DLGAP1: variants seen among roughly 807,000 people sequenced by gnomAD.
DLGAP1 encodes the protein DLG associated protein 1.
DLGAP1 carries 11 observed loss-of-function variants against 90.8 expected under a neutral mutation model. The ratio of observed to expected loss-of-function variants is 0.12; its 90% CI spans 0.08 to 0.20. DLGAP1 has a LOEUF of 0.20. DLGAP1 is among the 10% of genes least tolerant of loss of function. DLGAP1 has a pLI of 1.00. For missense variants in DLGAP1, 1,050 were observed against 1,333.8 expected (o/e 0.79, Z 3.31); for synonymous variants, 558 against 540.7 (o/e 1.03, Z -0.44).
At chr18:3,984,449 G>T (rs766903364) in intron 3 of DLGAP1, among the ~76,000 whole-genome samples, 8 of 152,098 alleles carry the variant, frequency 5.3e-5, no homozygotes, top group Non-Finnish European at 7.4e-5. Flanking sequence ...ATTTTTGGCT[G>T]CCTTGAGACT....
intron 5 of DLGAP1, chr18:3,769,943 C>T (rs1167546038): frequency 6.6e-6 from 1 of 151,970 alleles, no homozygotes; most frequent in Non-Finnish European, 1.5e-5. Context: ...TAATTTTAAT[C>T]TCAAAATAAA....
At chr18:4,168,318 CA>C (rs2076965793) in intron 1 of DLGAP1, among the ~76,000 whole-genome samples, 1 of 152,174 alleles carries the variant, frequency 6.6e-6, no homozygotes, top group African/African-American at 2.4e-5. Context: ...GACAATGGCA[CA>C]AAAGCAATTC....
chr18:3,863,975 T>A (rs2070239049), intron 4 of DLGAP1, among the ~76,000 whole-genome samples: 1 of 152,228 alleles, frequency 6.6e-6, no homozygotes, highest in South Asian at 2.1e-4. Context: ...TCTTGTCAAC[T>A]AGGAATAAAT....
rs553624177 is a variant in DLGAP1 at position 3,972,342 on chromosome 18, T to C, written c.-73+32774A>G. Among the ~76,000 whole-genome samples, 39 of 152,152 alleles carry C rather than the reference T, an allele frequency of 2.6e-4. 2 individuals carry two copies. The highest frequency in any genetic ancestry group is 9.2e-4 in the African/African-American group (38 of 41,474). ...GCCTGGGCAACATGGCAAAATTCCG[T>C]CTCTATTTAAAAATAATTTTAAAAA... On this transcript the variant is annotated intron_variant, in intron 3 of 12. Transcript: ENST00000315677.
chr18:4,424,297 C>G (rs1242303910), intron 1 of DLGAP1, among the ~76,000 whole-genome samples: 1 of 152,092 alleles, frequency 6.6e-6, no homozygotes, highest in African/African-American at 2.4e-5. Flanking sequence ...ACTAAGCAAA[C>G]TTTTCTCCTT....
chr18:3,626,859 A>G (rs1316682466), intron 7 of DLGAP1, among the ~76,000 whole-genome samples: 3 of 152,156 alleles, frequency 2.0e-5, no homozygotes, highest in Admixed American at 6.5e-5. Flanking sequence ...AGATCACGCC[A>G]CTGCACTCCA....
At chr18:4,160,802 C>A (rs180953868) in intron 1 of DLGAP1, among the ~76,000 whole-genome samples, 76 of 152,194 alleles carry the variant, frequency 5.0e-4, no homozygotes, top group South Asian at 4.8e-3. Flanking sequence ...ATAAGCCTGT[C>A]TGTAAGGCTT....
intron 7 of DLGAP1, among the ~76,000 whole-genome samples, chr18:3,656,854 C>T (rs912196827): frequency 7.2e-5 from 11 of 152,110 alleles, no homozygotes; most frequent in Admixed American, 4.6e-4. Flanking sequence ...GGACGCCATT[C>T]TCCTGCCTCA....
intron 3 of DLGAP1, among the ~76,000 whole-genome samples, chr18:3,931,972 A>G (rs1210276485): frequency 1.3e-5 from 2 of 151,938 alleles, no homozygotes; most frequent in Non-Finnish European, 2.9e-5. Flanking sequence ...TCTGCTGTGC[A>G]CCCTTGGTTT....
intron 7 of DLGAP1, among the ~76,000 whole-genome samples, chr18:3,649,405 A>C (rs2059221943): frequency 6.6e-6 from 1 of 152,250 alleles, no homozygotes; most frequent in African/African-American, 2.4e-5. Context: ...AAAGGGGAGA[A>C]GCAAGGATTT....
chr18:3,841,887 T>C (rs2068735466), intron 4 of DLGAP1, among the ~76,000 whole-genome samples: 1 of 152,108 alleles, frequency 6.6e-6, no homozygotes, highest in South Asian at 2.1e-4. Context: ...ACCAGCTATG[T>C]TCTTTCATGA....
intron 2 of DLGAP1, among the ~76,000 whole-genome samples, chr18:4,027,865 T>C (rs1199135182): frequency 2.0e-5 from 3 of 152,202 alleles, no homozygotes; most frequent in Admixed American, 1.3e-4. Flanking sequence ...ATGAGTGACC[T>C]TGAATTTGAT....
intron 7 of DLGAP1, among the ~76,000 whole-genome samples, chr18:3,677,405 C>T (rs1329132302): frequency 1.3e-5 from 2 of 152,232 alleles, no homozygotes; most frequent in African/African-American, 2.4e-5. Context: ...CAAAACTAGC[C>T]ATTCCAACAA....
chr18:3,588,779 C>CAAAAAAAAA (rs11449545), intron 7 of DLGAP1, among the ~76,000 whole-genome samples: 1 of 135,060 alleles, frequency 7.4e-6, no homozygotes, highest in Non-Finnish European at 1.6e-5. Flanking sequence ...GACTCCATCT[C>CAAAAAAAAA]AAAAAAAAAA....
At chr18:3,600,739 GATATATAGATATATATAGATATATAGAT>G (rs1568277545) in intron 7 of DLGAP1, among the ~76,000 whole-genome samples, 2 of 11,228 alleles carry the variant, frequency 1.8e-4, no homozygotes, top group African/African-American at 9.2e-4. Context: ...GATATATATA[GATATATAGATATATATAGATATATAGAT>G]ATATATAGAT....
intron 1 of DLGAP1, among the ~76,000 whole-genome samples, chr18:4,338,229 T>C (rs1048106445): frequency 6.6e-6 from 1 of 152,226 alleles, no homozygotes; most frequent in African/African-American, 2.4e-5. Context: ...ACATTTTTAC[T>C]GTTAAAGGAT....
intron 1 of DLGAP1, chr18:4,293,399 G>C (rs1402884006): frequency 6.6e-6 from 1 of 152,188 alleles, no homozygotes; most frequent in African/African-American, 2.4e-5. Flanking sequence ...TATTAGTAGA[G>C]ATCATAGATA....
intron 1 of DLGAP1, among the ~76,000 whole-genome samples, chr18:4,193,609 C>G (rs145779377): frequency 1.7e-3 from 262 of 152,220 alleles, no homozygotes; most frequent in Non-Finnish European, 3.0e-3. Context: ...GACTTGATTA[C>G]AGAAACAAGC....
chr18:4,320,398 G>C (rs910126589), intron 1 of DLGAP1, among the ~76,000 whole-genome samples: 1 of 152,062 alleles, frequency 6.6e-6, no homozygotes, highest in Non-Finnish European at 1.5e-5. Context: ...TTTTATTAGA[G>C]CTCTATAAAT....
Sources: gnomAD v4.1 joint callset for allele counts (sites outside exome capture counted in the v4.1 genomes callset) on GRCh38, gnomAD v4.1.1 for gene constraint, MANE v1.5 for transcripts, NCBI Gene and HGNC (gene_info 2026-07-23, HGNC 2026-07-21) for gene names.